Variants in EPHA6 observed in about 807,000 individuals in gnomAD.
EPHA6 encodes ephrin type-A receptor 6.
In EPHA6, 50 loss-of-function variants were observed where a neutral mutation model predicts 112.0. The observed-to-expected ratio is 0.45, with a 90% CI of 0.36 to 0.56. The LOEUF (loss-of-function observed/expected upper bound fraction) is 0.56. EPHA6 is among the 20% of genes least tolerant of loss of function. EPHA6 has a pLI of 0.00. For synonymous variants in EPHA6, 529 were observed against 490.7 expected (o/e 1.08, Z -1.03); for missense variants, 1,280 against 1,417.4 (o/e 0.90, Z 1.56).
At chr3:97,422,786 A>G (rs1250438735) in intron 6 of EPHA6, among the ~76,000 whole-genome samples, 2 of 152,254 alleles carry the variant, frequency 1.3e-5, no homozygotes, top group East Asian at 3.8e-4. Flanking sequence ...AGAGCAAACA[A>G]GTACCACATC....
In EPHA6 at chr3:96,970,272, C is replaced by CAA. The variant is rs1209308862; in HGVS notation, c.451-17057_451-17056insAA. ...ACACACACACACACACACACAAACA[C>CAA]ACACACACACAGAGCGAGAGAGAGA... On this transcript the variant is annotated intron_variant, in intron 2 of 17. Transcript: ENST00000389672. 1.3e-3 allele frequency among the ~76,000 whole-genome samples: 198 copies of CAA among 149,140 alleles called. 1 individual carries two copies. Among genetic ancestry groups the CAA allele is most frequent in the African/African-American group, 4.8e-3 (191 of 39,924 alleles).
At chr3:97,627,366 G>A (rs2093866689) in intron 13 of EPHA6, among the ~76,000 whole-genome samples, 1 of 151,798 alleles carries the variant, frequency 6.6e-6, no homozygotes, top group Non-Finnish European at 1.5e-5. Context: ...GTGGAGTTGA[G>A]AGTGGGTTTC....
intron 3 of EPHA6, among the ~76,000 whole-genome samples, chr3:97,203,589 A>C (rs1257776011): frequency 1.3e-5 from 2 of 152,098 alleles, no homozygotes; most frequent in African/African-American, 4.8e-5. Context: ...AAAAAAATCT[A>C]ATGAAATATT....
chr3:97,641,702 A>C (rs1430985151), intron 14 of EPHA6, among the ~76,000 whole-genome samples: 1 of 152,046 alleles, frequency 6.6e-6, no homozygotes, highest in Non-Finnish European at 1.5e-5. Flanking sequence ...AAATCGGGTC[A>C]CTCCCACCCG....
At chr3:97,640,139 C>A (rs185365292) in intron 14 of EPHA6, among the ~76,000 whole-genome samples, 33 of 152,044 alleles carry the variant, frequency 2.2e-4, no homozygotes, top group Admixed American at 6.5e-4. Flanking sequence ...TTAAAAAGAA[C>A]TACAGAAGTA....
At chr3:97,252,857 C>A (rs574325867) in intron 5 of EPHA6, among the ~76,000 whole-genome samples, 1 of 152,224 alleles carries the variant, frequency 6.6e-6, no homozygotes, top group Non-Finnish European at 1.5e-5. Context: ...TCTGCACAAG[C>A]CATACATTCA....
intron 14 of EPHA6, among the ~76,000 whole-genome samples, chr3:97,716,457 A>G (rs1322626496): frequency 7.1e-6 from 1 of 140,212 alleles, no homozygotes; most frequent in Non-Finnish European, 1.5e-5. Context: ...AGTCCCAGCT[A>G]CTCGGGAGGC....
intron 14 of EPHA6, among the ~76,000 whole-genome samples, chr3:97,702,457 A>T (rs1345994621): frequency 6.6e-6 from 1 of 152,218 alleles, no homozygotes; most frequent in Non-Finnish European, 1.5e-5. Flanking sequence ...TAGAAAAGGG[A>T]TAAAAAATAT....
intron 3 of EPHA6, among the ~76,000 whole-genome samples, chr3:97,179,751 C>CTT: frequency 6.6e-6 from 1 of 151,328 alleles, no homozygotes; most frequent in Middle Eastern, 3.4e-3. Context: ...CTCTCTCTCT[C>CTT]TCTCTCTCTC....
intron 10 of EPHA6, among the ~76,000 whole-genome samples, chr3:97,492,208 T>C (rs1486250278): frequency 6.6e-6 from 1 of 152,070 alleles, no homozygotes; most frequent in Non-Finnish European, 1.5e-5. Context: ...CTTAATACTC[T>C]TAGTTAATCA....
chr3:97,397,096 T>C lies in EPHA6; in HGVS notation c.1607-8054T>C, dbSNP rs184547289. ...TTTTGAAGACTTAAATAAGGATGTATATCAGCAATAAAATTCTGCTGAAAA... is the reference window on the plus strand; with the variant it reads ...TTTTGAAGACTTAAATAAGGATGTACATCAGCAATAAAATTCTGCTGAAAA... On this transcript the variant is annotated intron_variant, in intron 5 of 17. Coordinates refer to ENST00000389672, the MANE Select transcript of EPHA6 (RefSeq NM_001080448.3). Among the ~76,000 whole-genome samples the C allele has an allele frequency of 1.3e-4, 19 of 151,902 alleles. No homozygotes were observed. The East Asian group carries it at 3.7e-3, about 29-fold the overall frequency.
intron 3 of EPHA6, among the ~76,000 whole-genome samples, chr3:97,165,877 A>C (rs1035062323): frequency 1.3e-5 from 2 of 152,150 alleles, no homozygotes; most frequent in African/African-American, 2.4e-5. Context: ...GTATTCAATA[A>C]AAAATTGCAT....
At chr3:97,377,068 T>C (rs1043368963) in intron 5 of EPHA6, among the ~76,000 whole-genome samples, 62 of 152,280 alleles carry the variant, frequency 4.1e-4, no homozygotes, top group Admixed American at 1.4e-3. Flanking sequence ...AGATAATCCA[T>C]TAATTGGGAA....
intron 3 of EPHA6, among the ~76,000 whole-genome samples, chr3:97,091,781 T>A (rs1003644907): frequency 6.6e-6 from 1 of 152,188 alleles, no homozygotes; most frequent in South Asian, 2.1e-4. Flanking sequence ...AGGCCATGTA[T>A]TTTTCTTGCT....
chr3:96,910,088 C>G (rs1298667931), intron 2 of EPHA6, among the ~76,000 whole-genome samples: 2 of 152,006 alleles, frequency 1.3e-5, no homozygotes, highest in African/African-American at 4.8e-5. Context: ...AAAATTCTGT[C>G]TAAGTTGTAC....
At chr3:97,462,616 T>C (rs1408192773) in intron 7 of EPHA6, among the ~76,000 whole-genome samples, 1 of 152,160 alleles carries the variant, frequency 6.6e-6, no homozygotes. Flanking sequence ...ATATTGAAAA[T>C]GATATTTTTG....
At position 97,226,347 on chromosome 3, in the gene EPHA6, G is replaced by A. The variant is rs1206866203; in HGVS notation, c.1198G>A (p.Ala400Thr). The A allele has an allele frequency of 6.2e-7, 1 of 1,613,730 alleles. No homozygotes were observed. The highest frequency in any genetic ancestry group is 1.7e-5 in the Admixed American group (1 of 60,008). The change falls in exon 4 of 18, where the codon GCA (alanine) becomes ACA (threonine). Residue 400 changes from alanine (A) to threonine (T), a missense_variant. Transcript: ENST00000389672. ...TCCACACAGTTTAACATACATGGAA[G>A]CAACTTCTGTCTGTCAGTGTGAAAA... ...CPPHSLTYMEATSVCQCEKGY... is the reference protein window; with the variant it reads ...CPPHSLTYMETTSVCQCEKGY...
At chr3:97,591,625 G>A (rs1230502465) in intron 11 of EPHA6, among the ~76,000 whole-genome samples, 7 of 152,078 alleles carry the variant, frequency 4.6e-5, no homozygotes, top group African/African-American at 1.7e-4. Flanking sequence ...TCAGTTACCA[G>A]TGATGCCCAT....
intron 3 of EPHA6, among the ~76,000 whole-genome samples, chr3:97,196,147 C>T (rs991227807): frequency 6.6e-6 from 1 of 151,080 alleles, no homozygotes; most frequent in Non-Finnish European, 1.5e-5. Context: ...TTTTCTAGAT[C>T]TCGTAGGCAT....
Sources: gnomAD v4.1 joint callset for allele counts (sites outside exome capture counted in the v4.1 genomes callset) on GRCh38, gnomAD v4.1.1 for gene constraint, MANE v1.5 for transcripts, NCBI Gene and HGNC (gene_info 2026-07-23, HGNC 2026-07-21) for gene names.